Variants in PDILT observed in about 807,000 individuals in gnomAD.
The protein encoded by PDILT is protein disulfide-isomerase-like protein of the testis.
In PDILT, 43 loss-of-function variants were observed where a neutral mutation model predicts 53.7. The observed-to-expected ratio is 0.80, with a 90% confidence interval of 0.63 to 1.03. The LOEUF (loss-of-function observed/expected upper bound fraction) is 1.03, where lower values mean the gene tolerates loss of function less well. Among genes scored for constraint, PDILT ranks in the 50% least tolerant of loss-of-function variants. The pLI is 0.00. For missense variants in PDILT, 727 were observed against 712.3 expected (o/e 1.02, Z -0.24); for synonymous variants, 282 against 274.2 (o/e 1.03, Z -0.28).
Position 20,362,408 on chromosome 16 carries a change from T to C in PDILT, c.1412A>G (p.Gln471Arg). 6.2e-7 allele frequency: 1 copy of C among 1,614,080 alleles called. No homozygotes were observed. Among genetic ancestry groups the C allele is most frequent in the Admixed American group, 1.7e-5 (1 of 60,018 alleles). Residue 471 changes from glutamine (Q) to arginine (R), a missense_variant, in exon 10 of 12, where the codon CAA becomes CGA. By Grantham distance (43) the Gln-to-Arg change is conservative. Transcript: ENST00000302451. ...TGCGTCCCAAGAGCCCCTCACTTGT[T>C]GAGAGCCGCTGGGGAACAGCCTGAA... ...PFFRLFPSGS[Q>R]QAVLYKGEHT... is the part of the protein sequence containing the mutation.
chr16:20,365,611 A>T (rs1055865578), intron 8 of PDILT, 71 bp from the exon 9 acceptor site: 107 of 1,548,122 alleles, frequency 6.9e-5, no homozygotes, highest in Non-Finnish European at 8.5e-5. Context: ...CCCCACCTTG[A>T]TTGGAAACCA....
At chr16:20,367,370 C>T (rs1966228207) in intron 8 of PDILT, among the ~76,000 whole-genome samples, 2 of 152,146 alleles carry the variant, frequency 1.3e-5, no homozygotes, top group African/African-American at 4.8e-5. Context: ...TCCTCCCTCA[C>T]CACACCCGCT....
chr16:20,378,029 C>T (rs759228662), intron 3 of PDILT, among the ~76,000 whole-genome samples: 1 of 152,060 alleles, frequency 6.6e-6, no homozygotes, highest in South Asian at 2.1e-4. Flanking sequence ...GAGGGAAAGT[C>T]TTCTAGGAGA....
chr16:20,378,731 G>C (rs1245271686), intron 3 of PDILT, among the ~76,000 whole-genome samples: 3 of 152,120 alleles, frequency 2.0e-5, no homozygotes, highest in Non-Finnish European at 4.4e-5. Context: ...GTGTTAGTTT[G>C]CTGAGAATGA....
intron 2 of PDILT, among the ~76,000 whole-genome samples, chr16:20,395,192 T>C (rs1283113613): frequency 6.6e-6 from 1 of 152,186 alleles, no homozygotes; most frequent in Non-Finnish European, 1.5e-5. Context: ...ATTTATAACC[T>C]CCTTTTGTTT....
intron 11 of PDILT, 53 bp from the exon 12 acceptor site, chr16:20,359,620 G>T: frequency 1.3e-6 from 2 of 1,528,148 alleles, no homozygotes; most frequent in Middle Eastern, 1.7e-4. Context: ...AAGGGAGAAA[G>T]AAATAAAGAG....
rs769400859 is a variant in PDILT, at chr16:20,399,160, C to T, written c.141G>A (p.Val47=). 3.1e-6 allele frequency: 5 copies of T among 1,614,170 alleles called. No homozygotes were observed. The highest frequency in any genetic ancestry group is 1.6e-4 in the Middle Eastern group (1 of 6,062). The change falls in exon 2 of 12, where the codon GTG becomes GTA. Residue 47 remains valine (V), a synonymous_variant. Transcript: ENST00000302451. The part of the protein sequence containing the change: ...VHILEERSLL[V]LTPAGLTQML... ...TCTGGGTCAGGCCAGCGGGCGTTAG[C>T]ACTAGGAGACTGCGTTCCTCCAGGA...
intron 2 of PDILT, among the ~76,000 whole-genome samples, chr16:20,395,568 G>T (rs898075351): frequency 5.3e-5 from 8 of 152,164 alleles, no homozygotes; most frequent in African/African-American, 1.9e-4. Flanking sequence ...ACCTCACATA[G>T]TGTGTGAGAT....
Position 20,389,511 on chromosome 16 carries a change from A to G in PDILT, c.203-4660T>C, listed in dbSNP as rs11646826. 5.3e-3 allele frequency among the ~76,000 whole-genome samples: 811 copies of G among 152,300 alleles called. 16 individuals are homozygous for G. The South Asian group carries it at 0.061, about 12-fold the overall frequency. ...CATGGCAATGTCAGGAACCCCAAAG[A>G]TCTTCCGGCTACTGATGAAAGGGAA... On this transcript the variant is annotated intron_variant, in intron 2 of 11. Coordinates refer to ENST00000302451, the MANE Select transcript of PDILT (RefSeq NM_174924.2).
chr16:20,400,065 TA>T (rs757318228), intron 1 of PDILT, among the ~76,000 whole-genome samples: 3,772 of 125,938 alleles, frequency 0.03, 81 homozygotes, highest in Non-Finnish European at 0.043. Flanking sequence ...TATATATATA[TA>T]TATATATTTT....
chr16:20,399,910 C>T (rs949188611), intron 1 of PDILT, among the ~76,000 whole-genome samples: 21 of 152,076 alleles, frequency 1.4e-4, no homozygotes, highest in Non-Finnish European at 2.8e-4. Flanking sequence ...AAGTAAAAAT[C>T]TCTCCCATTC....
intron 3 of PDILT, among the ~76,000 whole-genome samples, chr16:20,376,754 T>C (rs1596587161): frequency 6.6e-6 from 1 of 152,180 alleles, no homozygotes; most frequent in East Asian, 1.9e-4. Context: ...GGTCATCCAC[T>C]CCTGACTGCC....
chr16:20,378,152 T>C (rs1324557176), intron 3 of PDILT, among the ~76,000 whole-genome samples: 3 of 152,234 alleles, frequency 2.0e-5, no homozygotes, highest in African/African-American at 7.2e-5. Flanking sequence ...ATTTGTTTTA[T>C]TTCATGAGAA....
intron 4 of PDILT, 55 bp from the exon 5 acceptor site, chr16:20,375,014 T>TATATAAGG: frequency 1.3e-6 from 2 of 1,539,656 alleles, no homozygotes; most frequent in Non-Finnish European, 1.8e-6. Flanking sequence ...GTGCCTGGTT[T>TATATAAGG]ATATAAGGGA....
At chr16:20,384,268 C>T (rs2141610376) in intron 3 of PDILT, among the ~76,000 whole-genome samples, 1 of 152,332 alleles carries the variant, frequency 6.6e-6, no homozygotes, top group South Asian at 2.1e-4. Context: ...GTAGTAGAAG[C>T]AGCCACATAT....
intron 8 of PDILT, among the ~76,000 whole-genome samples, chr16:20,368,026 G>T (rs892268333): frequency 6.6e-6 from 1 of 152,142 alleles, no homozygotes; most frequent in Non-Finnish European, 1.5e-5. Context: ...TCACAGAGGG[G>T]GCACTAAAGA....
chr16:20,384,555 G>T, intron 3 of PDILT, 90 bp downstream of exon 3: 2 of 1,492,730 alleles, frequency 1.3e-6, no homozygotes, highest in Non-Finnish European at 1.8e-6. Flanking sequence ...CCGAGAAGCT[G>T]CATGGAGCAG....
intron 2 of PDILT, among the ~76,000 whole-genome samples, chr16:20,394,708 A>G (rs1332335502): frequency 6.6e-6 from 1 of 152,248 alleles, no homozygotes; most frequent in Non-Finnish European, 1.5e-5. Flanking sequence ...CACATTGAGT[A>G]GCACAGATGG....
chr16:20,396,934 G>C (rs1966669225), intron 2 of PDILT, among the ~76,000 whole-genome samples: 1 of 152,072 alleles, frequency 6.6e-6, no homozygotes, highest in South Asian at 2.1e-4. Context: ...GCATATCTGA[G>C]CCCACTTTCA....
Sources: gnomAD v4.1 joint callset for allele counts (sites outside exome capture counted in the v4.1 genomes callset) on GRCh38, gnomAD v4.1.1 for gene constraint, MANE v1.5 for transcripts, NCBI Gene and HGNC (gene_info 2026-07-23, HGNC 2026-07-21) for gene names.